The following SLIT2 variants were observed in gnomAD, a reference collection of about 807,000 sequenced individuals.
SLIT2 encodes slit guidance ligand 2, also known as slit homolog 2 protein.
SLIT2 carries 41 observed loss-of-function variants against 185.7 expected under a neutral mutation model. The ratio of observed to expected loss-of-function variants is 0.22; its 90% confidence interval spans 0.17 to 0.29. The LOEUF (loss-of-function observed/expected upper bound fraction) is 0.29. Ranked by LOEUF, SLIT2 falls within the 10% of genes least tolerant of loss-of-function variation. The pLI is 1.00. For synonymous variants in SLIT2, 693 were observed against 680.2 expected (o/e 1.02, Z -0.29); for missense variants, 1,571 against 1,909.0 (o/e 0.82, Z 3.30).
At chr4:20,388,205 C>G (rs577567713) in intron 4 of SLIT2, among the ~76,000 whole-genome samples, 1 of 152,004 alleles carries the variant, frequency 6.6e-6, no homozygotes, top group Non-Finnish European at 1.5e-5. Context: ...AAACTGAAAC[C>G]TTGGGCTTCA....
At chr4:20,332,886 CAT>C (rs1242916379) in intron 4 of SLIT2, among the ~76,000 whole-genome samples, 1 of 151,698 alleles carries the variant, frequency 6.6e-6, no homozygotes, top group Non-Finnish European at 1.5e-5. Context: ...TTTTATGAGA[CAT>C]ATTTTAGGGG....
chr4:20,331,983 T>G (rs1179404935), intron 4 of SLIT2, among the ~76,000 whole-genome samples: 2 of 152,224 alleles, frequency 1.3e-5, no homozygotes, highest in Admixed American at 6.5e-5. Flanking sequence ...GAATAATATT[T>G]CATTGCATGG....
At chr4:20,582,820 C>T (rs55649261) in intron 29 of SLIT2, among the ~76,000 whole-genome samples, 3,556 of 152,208 alleles carry the variant, frequency 0.023, 142 homozygotes, top group African/African-American at 0.081. Flanking sequence ...CACTTTGGGG[C>T]CATTATTAAG....
chr4:20,379,796 G>A (rs565952398), intron 4 of SLIT2, among the ~76,000 whole-genome samples: 9 of 152,264 alleles, frequency 5.9e-5, no homozygotes, highest in African/African-American at 2.2e-4. Context: ...TGAGCTCCGC[G>A]ACTCCCCAAG....
intron 4 of SLIT2, among the ~76,000 whole-genome samples, chr4:20,463,875 C>CAAA (rs555271635): frequency 9.4e-6 from 1 of 106,444 alleles, no homozygotes; most frequent in Non-Finnish European, 2.0e-5. Context: ...GACTTTGTCT[C>CAAA]AAAAAAAAAA....
intron 4 of SLIT2, among the ~76,000 whole-genome samples, chr4:20,303,027 G>A (rs552782967): frequency 1.2e-4 from 18 of 152,006 alleles, no homozygotes; most frequent in Non-Finnish European, 2.1e-4. Context: ...TACACTTAAA[G>A]TTTAAGACAT....
chr4:20,497,718 G>A (rs572172562), intron 9 of SLIT2, among the ~76,000 whole-genome samples: 25 of 152,230 alleles, frequency 1.6e-4, no homozygotes, highest in African/African-American at 6.0e-4. Flanking sequence ...CTATTAAACT[G>A]CAGACTGGGT....
chr4:20,352,607 G>A (rs1721975623), intron 4 of SLIT2, among the ~76,000 whole-genome samples: 1 of 152,112 alleles, frequency 6.6e-6, no homozygotes, highest in Non-Finnish European at 1.5e-5. Flanking sequence ...GACTTTGGAT[G>A]TTTTATCTTT....
chr4:20,577,364 C>G (rs1474840548), intron 29 of SLIT2, among the ~76,000 whole-genome samples: 2 of 152,114 alleles, frequency 1.3e-5, no homozygotes, highest in Non-Finnish European at 2.9e-5. Context: ...GTCTTAACAC[C>G]TACATTTATA....
chr4:20,475,711 T>C (rs965011843), intron 5 of SLIT2, among the ~76,000 whole-genome samples: 8 of 152,110 alleles, frequency 5.3e-5, no homozygotes, highest in Admixed American at 1.3e-4. Context: ...ACGTTAGCAA[T>C]TATTATTATC....
intron 29 of SLIT2, among the ~76,000 whole-genome samples, chr4:20,582,269 C>G (rs1198227506): frequency 6.6e-6 from 1 of 152,188 alleles, no homozygotes; most frequent in Non-Finnish European, 1.5e-5. Context: ...TCTTCATTCT[C>G]CACTTCACCC....
intron 4 of SLIT2, among the ~76,000 whole-genome samples, chr4:20,290,134 A>C (rs1316245996): frequency 2.0e-5 from 3 of 152,134 alleles, no homozygotes; most frequent in African/African-American, 7.2e-5. Flanking sequence ...GAGAACCTTC[A>C]TATTCCAGCT....
At chr4:20,583,901 G>A (rs1428927248) in intron 29 of SLIT2, among the ~76,000 whole-genome samples, 1 of 151,934 alleles carries the variant, frequency 6.6e-6, no homozygotes, top group Admixed American at 6.6e-5. Context: ...CCAAACTCCA[G>A]GTATTATTTC....
chr4:20,321,322 C>T (rs972353362), intron 4 of SLIT2, among the ~76,000 whole-genome samples: 1 of 152,180 alleles, frequency 6.6e-6, no homozygotes, highest in Non-Finnish European at 1.5e-5. Context: ...CACTATCTTT[C>T]GTATTTGCCA....
Position 20,470,484 on chromosome 4 carries a change from CTGTGTGTGTGTGTGTGTG to C in SLIT2, c.467+2693_467+2710del, listed in dbSNP as rs540814034. 1.4e-3 allele frequency among the ~76,000 whole-genome samples: 181 copies of C among 129,282 alleles called. 1 individual carries two copies. The highest frequency in any genetic ancestry group is 2.1e-3 in the Non-Finnish European group (129 of 62,190). The allele number at this position is 129,282 out of a possible 152,430, so 84.8% of individuals were successfully genotyped here. A position where few individuals can be genotyped will look rare whatever the true frequency, so the allele number is the denominator to read the frequency against. ...GAGTAAAACCATAGTGCAGTGGAGT[CTGTGTGTGTGTGTGTGTG>C]TGTGTGTGTGTGTGTGTGTGTGTGT... On this transcript the variant is annotated intron_variant, in intron 5 of 36. Coordinates refer to ENST00000504154, the MANE Select transcript of SLIT2 (RefSeq NM_004787.4).
chr4:20,523,443 C>T (rs1169126029), intron 12 of SLIT2, among the ~76,000 whole-genome samples: 1 of 152,128 alleles, frequency 6.6e-6, no homozygotes, highest in Non-Finnish European at 1.5e-5. Flanking sequence ...TTATGGTGTC[C>T]TTGCCAGTGG....
At chr4:20,496,737 A>C (rs904131094) in intron 9 of SLIT2, among the ~76,000 whole-genome samples, 1 of 152,168 alleles carries the variant, frequency 6.6e-6, no homozygotes, top group Non-Finnish European at 1.5e-5. Context: ...CCCAGCAAAA[A>C]ATCTAGTACC....
At chr4:20,472,246 C>CTATATATATCTATATATATAGATATA (rs546128488) in intron 5 of SLIT2, among the ~76,000 whole-genome samples, 1 of 39,666 alleles carries the variant, frequency 2.5e-5, no homozygotes, top group Non-Finnish European at 4.6e-5. Flanking sequence ...ATCTATATAT[C>CTATATATATCTATATATATAGATATA]TATATATAGA....
rs1023391124 is a variant in SLIT2 at position 20,254,302 on chromosome 4, A to T, written c.179+308A>T. On this transcript the variant is annotated intron_variant, in intron 1 of 36. Transcript: ENST00000504154. This position sits in a 1 kb window ranked among gnomAD's most constrained non-coding sequence, Gnocchi z 5.1. Reference sequence around the variant, plus strand: ...GTAGATAGGGGACAAGTACTGGAGGATGCCCGGGGCAAGTGAGACGCCACT... The same window carrying T: ...GTAGATAGGGGACAAGTACTGGAGGTTGCCCGGGGCAAGTGAGACGCCACT... Among the ~76,000 whole-genome samples the T allele has an allele frequency of 6.6e-6, 1 of 152,108 alleles. No individual in the cohort carries two copies. Among genetic ancestry groups the T allele is most frequent in the Non-Finnish European group, 1.5e-5 (1 of 68,002 alleles).
Sources: gnomAD v4.1 joint callset for allele counts (sites outside exome capture counted in the v4.1 genomes callset) on GRCh38, gnomAD v4.1.1 for gene constraint, Gnocchi (gnomAD v3.1) non-coding constraint, MANE v1.5 for transcripts, NCBI Gene and HGNC (gene_info 2026-07-23, HGNC 2026-07-21) for gene names.